The following NLK variants were observed in gnomAD, a reference collection of about 807,000 sequenced individuals.
NLK encodes the protein nemo like kinase, also known as serine/threonine-protein kinase NLK.
In NLK, 11 loss-of-function variants were observed where a neutral mutation model predicts 59.0. The ratio of observed to expected loss-of-function variants is 0.19; its 90% confidence interval spans 0.12 to 0.31. NLK has a LOEUF of 0.31. Among genes scored for constraint, NLK ranks in the 10% least tolerant of loss-of-function variants. The pLI is 1.00. For missense variants in NLK, 410 were observed against 661.1 expected (o/e 0.62, Z 4.16); for synonymous variants, 235 against 235.9 (o/e 1.00, Z 0.03).
At chr17:28,204,215 T>C in the NLK span, among the ~76,000 whole-genome samples, 1 of 152,226 alleles carries the variant, frequency 6.6e-6, no homozygotes, top group Non-Finnish European at 1.5e-5. Context: ...AGCTAGTCAG[T>C]GGCCAACCCA....
intron 10 of NLK, among the ~76,000 whole-genome samples, chr17:28,193,788 A>G (rs1373934190): frequency 6.6e-6 from 1 of 152,108 alleles, no homozygotes; most frequent in Admixed American, 6.5e-5. Context: ...CATTTCTTCC[A>G]TGTATTTTTC....
At chr17:28,139,621 TC>T (rs1180509963) in intron 3 of NLK, among the ~76,000 whole-genome samples, 6 of 152,226 alleles carry the variant, frequency 3.9e-5, no homozygotes, top group Admixed American at 3.9e-4. Flanking sequence ...GATGCATTGT[TC>T]ATTTATTTAA....
At chr17:28,114,725 TG>T (rs1905685147) in intron 1 of NLK, among the ~76,000 whole-genome samples, 1 of 152,214 alleles carries the variant, frequency 6.6e-6, no homozygotes, top group South Asian at 2.1e-4. Context: ...TTTGTTTTTG[TG>T]TATAGTGTGG....
intron 1 of NLK, among the ~76,000 whole-genome samples, chr17:28,097,321 G>A (rs1304343153): frequency 6.6e-6 from 1 of 152,018 alleles, no homozygotes; most frequent in African/African-American, 2.4e-5. Flanking sequence ...TTATTAAGAA[G>A]GTTTAATAAA....
chr17:28,148,079 A>G (rs1488655666), intron 3 of NLK, among the ~76,000 whole-genome samples: 1 of 152,230 alleles, frequency 6.6e-6, no homozygotes, highest in African/African-American at 2.4e-5. Flanking sequence ...CATTTAGTAG[A>G]AAGTAGAAAT....
chr17:28,084,043 T>C (rs747801770), intron 1 of NLK, among the ~76,000 whole-genome samples: 4 of 152,254 alleles, frequency 2.6e-5, no homozygotes, highest in South Asian at 4.1e-4. Context: ...GAAGACCCAT[T>C]AGCCCAGTAT....
At chr17:28,166,997 G>T (rs1028579642) in intron 5 of NLK, among the ~76,000 whole-genome samples, 2 of 152,148 alleles carry the variant, frequency 1.3e-5, no homozygotes, top group Non-Finnish European at 2.9e-5. Context: ...GTATGAATTT[G>T]TATTTTAAAT....
At chr17:28,113,523 G>A (rs1157627076) in intron 1 of NLK, among the ~76,000 whole-genome samples, 1 of 152,180 alleles carries the variant, frequency 6.6e-6, no homozygotes, top group Non-Finnish European at 1.5e-5. Flanking sequence ...TAACTTCTTG[G>A]TGTTGCCATG....
At chr17:28,132,716 A>G in intron 3 of NLK, 41 bp downstream of exon 3, 1 of 1,520,524 alleles carries the variant, frequency 6.6e-7, no homozygotes, top group Non-Finnish European at 9.0e-7. Flanking sequence ...GACAATTTTT[A>G]AAATTAATTT....
chr17:28,188,040 A>C (rs1350197928), intron 8 of NLK, among the ~76,000 whole-genome samples: 1 of 152,114 alleles, frequency 6.6e-6, no homozygotes, highest in Non-Finnish European at 1.5e-5. Context: ...TTACAAAATT[A>C]AAAATTTTTT....
Position 28,156,915 on chromosome 17 carries a change from C to T in NLK, c.645-4245C>T, listed in dbSNP as rs182956581. Among the ~76,000 whole-genome samples, 640 of 152,182 alleles carry T rather than the reference C, an allele frequency of 4.2e-3. 4 individuals are homozygous for T. The highest frequency in any genetic ancestry group is 0.016 in the South Asian group (79 of 4,812). On this transcript the variant is annotated intron_variant, in intron 3 of 10. Transcript: ENST00000407008. ...TGCCTAGCTCCAGAGATTGCAAAAC[C>T]GTGGTTTTTTTTCTAATTCTGTAAT...
chr17:28,199,696 A>AAAAAAAAAAAAAAC (rs1567745805), downstream of NLK, among the ~76,000 whole-genome samples: 8 of 20,892 alleles, frequency 3.8e-4, no homozygotes, highest in East Asian at 1.3e-3. Flanking sequence ...AAAACAAAAC[A>AAAAAAAAAAAAAAC]AAAAAAAAAA....
At chr17:28,044,748 G>T (rs906018650) in intron 1 of NLK, among the ~76,000 whole-genome samples, 5 of 152,204 alleles carry the variant, frequency 3.3e-5, no homozygotes, top group African/African-American at 9.6e-5. Flanking sequence ...TTGGTTGGGG[G>T]ATGGAACAGA....
intron 1 of NLK, among the ~76,000 whole-genome samples, chr17:28,060,383 A>C (rs1909589907): frequency 6.6e-6 from 1 of 152,220 alleles, no homozygotes; most frequent in Non-Finnish European, 1.5e-5. Flanking sequence ...AGAGGATATT[A>C]GCAATATATG....
chr17:28,097,787 C>A (rs186988129), intron 1 of NLK, among the ~76,000 whole-genome samples: 42 of 152,208 alleles, frequency 2.8e-4, no homozygotes, highest in Admixed American at 9.2e-4. Context: ...AACTAGGAAA[C>A]CATTGAGGAT....
intron 1 of NLK, among the ~76,000 whole-genome samples, chr17:28,122,206 A>C (rs993845482): frequency 2.1e-4 from 32 of 152,302 alleles, no homozygotes; most frequent in Admixed American, 1.0e-3. Context: ...TGTAGTTCTG[A>C]AAATAAAGCA....
chr17:28,057,513 A>T (rs886627626), intron 1 of NLK, among the ~76,000 whole-genome samples: 2 of 152,244 alleles, frequency 1.3e-5, no homozygotes, highest in African/African-American at 4.8e-5. Context: ...TGTACCAGTC[A>T]AAACTGAGCT....
At chr17:28,149,435 G>C (rs1189806608) in intron 3 of NLK, among the ~76,000 whole-genome samples, 2 of 152,182 alleles carry the variant, frequency 1.3e-5, no homozygotes, top group East Asian at 3.8e-4. Flanking sequence ...ATACAGTATA[G>C]ATAAATTGCC....
At chr17:28,189,891 TA>T (rs1284837308) in intron 8 of NLK, among the ~76,000 whole-genome samples, 2 of 152,224 alleles carry the variant, frequency 1.3e-5, no homozygotes, top group African/African-American at 2.4e-5. Context: ...TCCTGGTAGA[TA>T]AACACCCGCT....
Sources: allele counts gnomAD v4.1 joint callset (sites outside exome capture counted in the v4.1 genomes callset), GRCh38; gene constraint gnomAD v4.1.1; transcripts MANE v1.5; gene names NCBI Gene and HGNC (gene_info 2026-07-23, HGNC 2026-07-21).